Variants in FSIP1 observed in about 807,000 individuals in gnomAD.
The protein encoded by FSIP1 is fibrous sheath-interacting protein 1.
In FSIP1, 65 loss-of-function variants were observed where a neutral mutation model predicts 60.9. That is an observed-to-expected ratio of 1.07 (90% CI 0.87 to 1.31). The LOEUF is 1.31. Among genes scored for constraint, FSIP1 ranks in the 40% most tolerant of loss-of-function variants. The probability of loss-of-function intolerance (pLI) is 0.00; values close to 1 mark genes in which losing one functional copy is unlikely to be tolerated. For synonymous variants in FSIP1, 209 were observed against 221.2 expected (o/e 0.94, Z 0.49); for missense variants, 675 against 665.5 (o/e 1.01, Z -0.16).
intron 10 of FSIP1, among the ~76,000 whole-genome samples, chr15:39,633,992 A>G (rs1892020218): frequency 1.3e-5 from 2 of 152,068 alleles, no homozygotes; most frequent in Non-Finnish European, 2.9e-5. Flanking sequence ...TCCACCACCC[A>G]TCTACCAGCA....
chr15:39,707,121 A>C (rs1033546357), intron 10 of FSIP1, among the ~76,000 whole-genome samples: 5 of 151,768 alleles, frequency 3.3e-5, no homozygotes, highest in Admixed American at 3.3e-4. Flanking sequence ...TTGATCTTTC[A>C]CTGCAATCAC....
intron 11 of FSIP1, among the ~76,000 whole-genome samples, chr15:39,610,564 G>C (rs1057044918): frequency 2.1e-4 from 32 of 152,334 alleles, no homozygotes; most frequent in Middle Eastern, 3.4e-3. Context: ...TACTCAGGAG[G>C]CTGAGGCAGG....
At chr15:39,663,829 T>C (rs763185889) in intron 10 of FSIP1, among the ~76,000 whole-genome samples, 5 of 152,234 alleles carry the variant, frequency 3.3e-5, no homozygotes, top group Admixed American at 1.3e-4. Flanking sequence ...CATTATTCAG[T>C]GATCCTATGC....
chr15:39,753,225 T>C (rs1302434180), intron 5 of FSIP1, among the ~76,000 whole-genome samples: 1 of 152,046 alleles, frequency 6.6e-6, no homozygotes, highest in East Asian at 1.9e-4. Context: ...ACCAGATGGT[T>C]TTTCCAGTGA....
chr15:39,712,639 G>A (rs1895566981), intron 10 of FSIP1, among the ~76,000 whole-genome samples: 2 of 152,148 alleles, frequency 1.3e-5, no homozygotes, highest in African/African-American at 2.4e-5. Flanking sequence ...CACAAGCTCA[G>A]CCTTGACATG....
At chr15:39,659,914 G>T (rs1444363280) in intron 10 of FSIP1, among the ~76,000 whole-genome samples, 1 of 152,140 alleles carries the variant, frequency 6.6e-6, no homozygotes, top group Non-Finnish European at 1.5e-5. Flanking sequence ...TTCTAAATAT[G>T]CAGTATCTCT....
intron 8 of FSIP1, among the ~76,000 whole-genome samples, chr15:39,731,057 T>A (rs555513856): frequency 6.6e-6 from 1 of 152,334 alleles, no homozygotes; most frequent in African/African-American, 2.4e-5. Context: ...AAAAATTTAT[T>A]GTCACACTAT....
chr15:39,716,778 C>A (rs1262676977), intron 9 of FSIP1, among the ~76,000 whole-genome samples: 1 of 147,930 alleles, frequency 6.8e-6, no homozygotes, highest in African/African-American at 2.5e-5. Context: ...CAGGACTATA[C>A]AAAGGTACAA....
intron 1 of FSIP1, among the ~76,000 whole-genome samples, chr15:39,781,171 T>A (rs1898253342): frequency 6.6e-6 from 1 of 151,868 alleles, no homozygotes; most frequent in South Asian, 2.1e-4. Flanking sequence ...GACACACACA[T>A]CACCCCAGAT....
chr15:39,660,145 C>T (rs968240528), intron 10 of FSIP1, among the ~76,000 whole-genome samples: 2 of 152,098 alleles, frequency 1.3e-5, no homozygotes, highest in Non-Finnish European at 2.9e-5. Flanking sequence ...GCCTTGACAA[C>T]GTAGTAAGTA....
intron 10 of FSIP1, among the ~76,000 whole-genome samples, chr15:39,683,372 T>G (rs4476148): frequency 0.63 from 94,962 of 151,796 alleles, 31,307 homozygotes; most frequent in Non-Finnish European, 0.75. Flanking sequence ...TTTGACAAAA[T>G]TCAACATACA....
intron 9 of FSIP1, among the ~76,000 whole-genome samples, chr15:39,722,587 T>C (rs1274967703): frequency 3.9e-5 from 6 of 151,972 alleles, no homozygotes; most frequent in Non-Finnish European, 7.4e-5. Flanking sequence ...CCCTCACTTA[T>C]GGAAATAGAC....
chr15:39,686,874 T>C (rs1894391788), intron 10 of FSIP1, among the ~76,000 whole-genome samples: 1 of 152,234 alleles, frequency 6.6e-6, no homozygotes, highest in Admixed American at 6.5e-5. Context: ...GTTTTATGTT[T>C]TGTTTGTTGT....
chr15:39,690,749 C>T (rs976039400), intron 10 of FSIP1, among the ~76,000 whole-genome samples: 9 of 152,214 alleles, frequency 5.9e-5, no homozygotes, highest in Non-Finnish European at 1.3e-4. Flanking sequence ...ACTGTGATGC[C>T]TCACACTTGG....
chr15:39,625,635 T>C (rs1891608372), intron 10 of FSIP1, among the ~76,000 whole-genome samples: 1 of 152,200 alleles, frequency 6.6e-6, no homozygotes, highest in Non-Finnish European at 1.5e-5. Context: ...GTCGCCGGAA[T>C]GGCCCTGTTA....
intron 5 of FSIP1, 86 bp from the exon 6 acceptor site, chr15:39,741,986 A>G (rs1311974310): frequency 4.1e-6 from 3 of 727,792 alleles, no homozygotes; most frequent in Non-Finnish European, 7.2e-6. Flanking sequence ...GATAACATTT[A>G]ATATTCTCTC....
At chr15:39,726,445 A>C in intron 9 of FSIP1, 144 bp downstream of exon 9, 1 of 732,580 alleles carries the variant, frequency 1.4e-6, no homozygotes, top group Non-Finnish European at 2.2e-6. Flanking sequence ...AAGTGAGTAG[A>C]AAGTGGAAGT....
chr15:39,671,340 T>TG (rs2140469496), intron 10 of FSIP1, among the ~76,000 whole-genome samples: 2 of 152,334 alleles, frequency 1.3e-5, no homozygotes, highest in East Asian at 3.9e-4. Flanking sequence ...TAGTTCATTA[T>TG]GATGAATTAA....
rs1473458048 is a variant in FSIP1 at position 39,770,528 on chromosome 15, T to A, written c.209A>T (p.Asp70Val). The change falls in exon 3 of 12, where the codon GAT becomes GTT. Residue 70 changes from aspartate to valine, a missense_variant. Asp to Val is a radical substitution (Grantham distance 152). Transcript: ENST00000350221. ...CTCAGAGCAGCTTTCCTGCTTATCA[T>A]CATTACTAGTTCTTCTGTTCTCTGT... The part of the protein sequence containing the change: ...SNTENRRTSN[D>V]DKQESCSEKI... 2.5e-6 allele frequency: 4 copies of A among 1,611,720 alleles called. No individual in the cohort carries two copies. Among genetic ancestry groups the A allele is most frequent in the Middle Eastern group, 3.3e-4 (2 of 6,058 alleles).
Sources: allele counts gnomAD v4.1 joint callset (sites outside exome capture counted in the v4.1 genomes callset), GRCh38; gene constraint gnomAD v4.1.1; transcripts MANE v1.5; gene names NCBI Gene and HGNC (gene_info 2026-07-23, HGNC 2026-07-21).